The following PPARGC1B variants were observed in gnomAD, a reference collection of about 807,000 sequenced individuals.
The protein encoded by PPARGC1B is peroxisome proliferator-activated receptor gamma coactivator 1-beta.
Under a neutral mutation model 101.6 loss-of-function variants are expected in PPARGC1B, and 34 were observed. That is an observed-to-expected ratio of 0.33 (90% CI 0.25 to 0.45). The LOEUF (loss-of-function observed/expected upper bound fraction) is 0.45, where lower values mean the gene tolerates loss of function less well. PPARGC1B is among the 20% of genes least tolerant of loss of function. The pLI is 1.00. For synonymous variants in PPARGC1B, 548 were observed against 539.3 expected (o/e 1.02, Z -0.22); for missense variants, 1,234 against 1,317.6 (o/e 0.94, Z 0.98).
At chr5:149,764,364 G>C (rs181790902) in intron 1 of PPARGC1B, among the ~76,000 whole-genome samples, 242 of 152,314 alleles carry the variant, frequency 1.6e-3, no homozygotes, top group African/African-American at 5.5e-3. Context: ...CCCTGCACTG[G>C]AGGCTGGGCC....
At chr5:149,788,471 G>C (rs1322291506) in intron 1 of PPARGC1B, among the ~76,000 whole-genome samples, 1 of 152,206 alleles carries the variant, frequency 6.6e-6, no homozygotes, top group Non-Finnish European at 1.5e-5. Flanking sequence ...CTTTTACACT[G>C]TTGGTGGGAC....
intron 1 of PPARGC1B, among the ~76,000 whole-genome samples, chr5:149,750,548 T>A (rs2113118502): frequency 6.7e-6 from 1 of 149,904 alleles, no homozygotes; most frequent in South Asian, 2.1e-4. Flanking sequence ...TCTGCAGACT[T>A]GGCTGTGGGT....
At chr5:149,749,834 T>C (rs181303531) in intron 1 of PPARGC1B, among the ~76,000 whole-genome samples, 212 of 152,284 alleles carry the variant, frequency 1.4e-3, no homozygotes, top group Non-Finnish European at 2.5e-3. Flanking sequence ...GTGAGCTGTT[T>C]TAAAGTGTCA....
In PPARGC1B at chr5:149,851,828, G is replaced by A. The variant is rs753648064; in HGVS notation, c.*4270G>A. On this transcript the variant is annotated 3_prime_UTR_variant, in exon 12 of 12. Coordinates refer to ENST00000309241, the MANE Select transcript of PPARGC1B (RefSeq NM_133263.4). ...TTGGCCCAGAACCACCATGGGATGG[G>A]GGAGGCCCTGAGCCGGCTACAAGAC... The A allele has an allele frequency of 6.6e-6, 1 of 152,240 alleles. No individual in the cohort carries two copies. Among genetic ancestry groups the A allele is most frequent in the Admixed American group, 6.5e-5 (1 of 15,284 alleles). 9.4% of individuals were successfully genotyped at this position (152,240 alleles called of 1,614,324 possible).
chr5:149,747,993 G>T (rs72830213), intron 1 of PPARGC1B, among the ~76,000 whole-genome samples: 49,977 of 151,686 alleles, frequency 0.33, 8,705 homozygotes, highest in Non-Finnish European at 0.39. Flanking sequence ...GGAGAGGGAG[G>T]TGGAGGTTTA....
At position 149,832,538 on chromosome 5, in the gene PPARGC1B, C is replaced by T. The variant is rs1256054107; in HGVS notation, c.583-118C>T. On this transcript the variant is annotated intron_variant, in intron 4 of 11. Transcript: ENST00000309241. This position sits in a 1 kb window ranked among gnomAD's most constrained non-coding sequence, Gnocchi z 4.9. ...GAAGCTGGGGACGGAATGAAGGAAA[C>T]CTGGCTGTTCCTATGATCCAGGTGA... 1.2e-6 allele frequency: 1 copy of T among 820,988 alleles called. No homozygotes were observed. The highest frequency in any genetic ancestry group is 1.9e-6 in the Non-Finnish European group (1 of 531,110). The allele number at this position is 820,988 out of a possible 1,614,324, so 50.9% of individuals were successfully genotyped here. A position where few individuals can be genotyped will look rare whatever the true frequency, so the allele number is the denominator to read the frequency against.
chr5:149,789,037 C>G (rs1168452145), intron 1 of PPARGC1B, among the ~76,000 whole-genome samples: 1 of 152,108 alleles, frequency 6.6e-6, no homozygotes, highest in Non-Finnish European at 1.5e-5. Flanking sequence ...ATGTAACAAA[C>G]CTGCATGTTG....
chr5:149,850,882 C>T lies in PPARGC1B; in HGVS notation c.*3324C>T, dbSNP rs1192145676. The T allele has an allele frequency of 1.3e-5, 2 of 152,064 alleles. No homozygotes were observed. Among genetic ancestry groups the T allele is most frequent in the Non-Finnish European group, 2.9e-5 (2 of 68,012 alleles). 9.4% of individuals were successfully genotyped at this position (152,064 alleles called of 1,614,324 possible). A position where few individuals can be genotyped will look rare whatever the true frequency, so the allele number is the denominator to read the frequency against. ...TCTGTACAAGGCTGAATCAGAATCC[C>T]CATTCTCGGGGGCTCTGGTTACCGA... On this transcript the variant is annotated 3_prime_UTR_variant, in exon 12 of 12. Transcript: ENST00000309241.
intron 1 of PPARGC1B, among the ~76,000 whole-genome samples, chr5:149,771,595 A>G (rs1397918662): frequency 2.0e-5 from 3 of 152,214 alleles, no homozygotes; most frequent in African/African-American, 7.2e-5. Flanking sequence ...GCCAGATTTA[A>G]GGCATAGAGT....
intron 10 of PPARGC1B, 22 bp downstream of exon 10, chr5:149,842,399 C>T (rs888644210): frequency 1.9e-6 from 3 of 1,610,338 alleles, no homozygotes; most frequent in Non-Finnish European, 2.5e-6. Flanking sequence ...CAAGCCATGG[C>T]AAATGAAGGG....
intron 1 of PPARGC1B, among the ~76,000 whole-genome samples, chr5:149,746,418 G>C (rs1318973307): frequency 6.6e-6 from 1 of 152,216 alleles, no homozygotes; most frequent in East Asian, 1.9e-4. Flanking sequence ...TCTCTATTGG[G>C]GCAAATGTCA....
intron 1 of PPARGC1B, among the ~76,000 whole-genome samples, chr5:149,762,542 A>G (rs550043411): frequency 7.2e-5 from 11 of 152,284 alleles, no homozygotes; most frequent in South Asian, 4.1e-4. Context: ...CAGTGAATCT[A>G]TCTTGTCCTG....
At chr5:149,844,408 G>C (rs1423638802) in intron 10 of PPARGC1B, among the ~76,000 whole-genome samples, 1 of 152,182 alleles carries the variant, frequency 6.6e-6, no homozygotes, top group Non-Finnish European at 1.5e-5. Flanking sequence ...CCAACACTTT[G>C]GGACAGATTA....
chr5:149,826,174 C>T (rs182321367), intron 2 of PPARGC1B, among the ~76,000 whole-genome samples: 7 of 152,258 alleles, frequency 4.6e-5, no homozygotes, highest in Non-Finnish European at 1.0e-4. Context: ...GCTCTGGGAA[C>T]CCGCAGAGAA....
intron 1 of PPARGC1B, among the ~76,000 whole-genome samples, chr5:149,766,989 C>T (rs1032998405): frequency 6.6e-6 from 1 of 152,140 alleles, no homozygotes; most frequent in East Asian, 1.9e-4. Flanking sequence ...GTTCAGCTGA[C>T]GAGGCTGTCG....
At position 149,848,565 on chromosome 5, in the gene PPARGC1B, A is replaced by AT. The variant is rs1303399663; in HGVS notation, c.*1011dup. On this transcript the variant is annotated 3_prime_UTR_variant, in exon 12 of 12. Transcript: ENST00000309241. ...CACCGGGCTAGAAGCCTAAGGGCTCATTTTAGGGGTTACATTAGGTGTTGA... is the reference window on the plus strand; with the variant it reads ...CACCGGGCTAGAAGCCTAAGGGCTCATTTTTAGGGGTTACATTAGGTGTTGA... 6.6e-6 allele frequency: 1 copy of AT among 152,208 alleles called. No individual in the cohort carries two copies. The highest frequency in any genetic ancestry group is 1.5e-5 in the Non-Finnish European group (1 of 68,034). 9.4% of individuals were successfully genotyped at this position (152,208 alleles called of 1,614,324 possible). A position where few individuals can be genotyped will look rare whatever the true frequency, so the allele number is the denominator to read the frequency against.
At chr5:149,739,416 A>G (rs1754834971) in intron 1 of PPARGC1B, among the ~76,000 whole-genome samples, 1 of 152,202 alleles carries the variant, frequency 6.6e-6, no homozygotes, top group Admixed American at 6.5e-5. Flanking sequence ...TCTTGAAGCT[A>G]GTGAGCGGCT....
intron 1 of PPARGC1B, among the ~76,000 whole-genome samples, chr5:149,775,287 C>G (rs903671780): frequency 6.6e-6 from 1 of 152,140 alleles, no homozygotes; most frequent in African/African-American, 2.4e-5. Context: ...TGATATGGAG[C>G]CTAGGTTCTT....
intron 1 of PPARGC1B, among the ~76,000 whole-genome samples, chr5:149,810,458 C>T (rs1757810999): frequency 6.6e-6 from 1 of 152,208 alleles, no homozygotes; most frequent in Non-Finnish European, 1.5e-5. Context: ...GGGCTCTGCA[C>T]AGCCACCTGC....
Sources: gnomAD v4.1 joint callset for allele counts (sites outside exome capture counted in the v4.1 genomes callset) on GRCh38, gnomAD v4.1.1 for gene constraint, Gnocchi (gnomAD v3.1) non-coding constraint, MANE v1.5 for transcripts, NCBI Gene and HGNC (gene_info 2026-07-23, HGNC 2026-07-21) for gene names.